Variants in DEPTOR observed in about 807,000 individuals in gnomAD.
The protein encoded by DEPTOR is DEP domain-containing mTOR-interacting protein.
In DEPTOR, 41 loss-of-function variants were observed where a neutral mutation model predicts 41.6. That is an observed-to-expected ratio of 0.98 (90% CI 0.77 to 1.28). DEPTOR has a LOEUF of 1.28. DEPTOR is among the 50% of genes most tolerant of loss of function. The pLI is 0.00. For synonymous variants in DEPTOR, 195 were observed against 192.3 expected, an observed-to-expected ratio of 1.01 and a Z score of -0.12; for missense variants, 514 against 527.9, an observed-to-expected ratio of 0.97 and a Z score of 0.26.
At chr8:120,031,484 T>A (rs2326433) in intron 8 of DEPTOR, among the ~76,000 whole-genome samples, 120,375 of 151,758 alleles carry the variant, frequency 0.79, 47,801 homozygotes, top group African/African-American at 0.82. Flanking sequence ...ATAATAATAA[T>A]AAAATGCATA....
chr8:119,959,911 T>C (rs1828468271), intron 3 of DEPTOR, among the ~76,000 whole-genome samples: 1 of 152,082 alleles, frequency 6.6e-6, no homozygotes, highest in Admixed American at 6.6e-5. Context: ...TTATACCTTG[T>C]ATACTCTTAT....
intron 1 of DEPTOR, among the ~76,000 whole-genome samples, chr8:119,874,939 T>G (rs931284895): frequency 3.9e-5 from 6 of 152,186 alleles, no homozygotes; most frequent in African/African-American, 1.2e-4. Flanking sequence ...TTACTTCTAG[T>G]TCTTAGCCTG....
intron 1 of DEPTOR, among the ~76,000 whole-genome samples, chr8:119,897,324 G>C (rs1827533076): frequency 6.6e-6 from 1 of 152,124 alleles, no homozygotes; most frequent in South Asian, 2.1e-4. Context: ...CACGAAGTCA[G>C]GAGTTCGAGA....
chr8:120,043,510 A>C (rs567183880), intron 8 of DEPTOR, among the ~76,000 whole-genome samples: 2 of 152,316 alleles, frequency 1.3e-5, no homozygotes, highest in South Asian at 4.1e-4. Context: ...GAGTGGCCCT[A>C]GGGACTGTTT....
intron 8 of DEPTOR, among the ~76,000 whole-genome samples, chr8:120,027,416 A>T (rs1413806036): frequency 6.6e-6 from 1 of 151,550 alleles, no homozygotes; most frequent in East Asian, 2.0e-4. Flanking sequence ...GTTAAGAGTA[A>T]ATTCTAGGCC....
chr8:119,984,611 T>C (rs1026858550), intron 4 of DEPTOR, among the ~76,000 whole-genome samples: 1 of 152,220 alleles, frequency 6.6e-6, no homozygotes, highest in Non-Finnish European at 1.5e-5. Flanking sequence ...TCCTTTTTTA[T>C]GGCTGCATAG....
chr8:119,989,944 G>A (rs926474500), intron 4 of DEPTOR, among the ~76,000 whole-genome samples: 4 of 152,166 alleles, frequency 2.6e-5, no homozygotes, highest in African/African-American at 9.7e-5. Context: ...ATCTAGAATA[G>A]AGTTACAGAT....
chr8:119,880,931 C>A (rs1827289815), intron 1 of DEPTOR, among the ~76,000 whole-genome samples: 1 of 152,174 alleles, frequency 6.6e-6, no homozygotes, highest in African/African-American at 2.4e-5. Flanking sequence ...TTCATTAATT[C>A]ATAATTAATT....
Position 119,967,617 on chromosome 8 carries a change from G to A in DEPTOR, c.604+2207G>A, listed in dbSNP as rs924338043. Among the ~76,000 whole-genome samples the A allele has an allele frequency of 7.9e-5, 12 of 151,774 alleles. No homozygotes were observed. The South Asian group carries it at 2.1e-3, about 26-fold the overall frequency. On this transcript the variant is annotated intron_variant, in intron 4 of 8. Transcript: ENST00000286234. ...AAAATACAAAACATTAGCTGGGTGT[G>A]GTGGTGTGTGCCTGTAGTCTCAGCT...
In DEPTOR at chr8:119,888,040, C is replaced by G. The variant is rs145182254; in HGVS notation, c.122+14072C>G. On this transcript the variant is annotated intron_variant, in intron 1 of 8. Coordinates refer to ENST00000286234, the MANE Select transcript of DEPTOR (RefSeq NM_022783.4). ...CTCACTGTATTGCTCAAGCTGTTCT[C>G]AAACTCCTGGGCTCAAGTAATCTTC... Among the ~76,000 whole-genome samples, 855 of 152,236 alleles carry G rather than the reference C, an allele frequency of 5.6e-3. 7 individuals are homozygous for G. Among genetic ancestry groups the G allele is most frequent in the African/African-American group, 0.02 (822 of 41,554 alleles).
intron 4 of DEPTOR, among the ~76,000 whole-genome samples, chr8:119,988,493 AT>A (rs1162007836): frequency 5.1e-5 from 4 of 77,796 alleles, no homozygotes; most frequent in Admixed American, 1.1e-4. Flanking sequence ...TTTTACAAAT[AT>A]TTTTTTGAGA....
At chr8:119,895,591 C>G (rs926098120) in intron 1 of DEPTOR, among the ~76,000 whole-genome samples, 8 of 152,178 alleles carry the variant, frequency 5.3e-5, no homozygotes, top group Non-Finnish European at 1.0e-4. Context: ...ATTTTGAACT[C>G]AGGCACAGAA....
At chr8:119,891,990 T>TTTTTG (rs1040361444) in intron 1 of DEPTOR, among the ~76,000 whole-genome samples, 53 of 152,106 alleles carry the variant, frequency 3.5e-4, no homozygotes, top group African/African-American at 1.1e-3. Context: ...GTTTTTTTGT[T>TTTTTG]TTTTGTTTTG....
intron 3 of DEPTOR, among the ~76,000 whole-genome samples, chr8:119,937,954 C>A (rs554004336): frequency 3.9e-5 from 6 of 152,282 alleles, no homozygotes; most frequent in Admixed American, 6.5e-5. Context: ...CTTCATTATG[C>A]TGGCAGAAAA....
intron 1 of DEPTOR, among the ~76,000 whole-genome samples, chr8:119,927,472 C>G (rs921358201): frequency 7.9e-5 from 12 of 151,512 alleles, no homozygotes; most frequent in South Asian, 2.1e-4. Context: ...TTATCTCTAT[C>G]TATCTGGTCC....
intron 4 of DEPTOR, among the ~76,000 whole-genome samples, chr8:119,973,976 G>A (rs1462720113): frequency 6.6e-6 from 1 of 152,040 alleles, no homozygotes; most frequent in African/African-American, 2.4e-5. Context: ...GAAGCTAGAG[G>A]CCACATCCAG....
chr8:120,030,136 G>T (rs1039475050), intron 8 of DEPTOR, among the ~76,000 whole-genome samples: 5 of 152,076 alleles, frequency 3.3e-5, no homozygotes, highest in Non-Finnish European at 5.9e-5. Context: ...GGTGTCCCCT[G>T]CCTTGGCCAA....
At chr8:120,019,474 C>T (rs1262882472) in intron 8 of DEPTOR, among the ~76,000 whole-genome samples, 6 of 152,226 alleles carry the variant, frequency 3.9e-5, no homozygotes, top group Non-Finnish European at 1.5e-5. Context: ...GAGGCAACCA[C>T]TGACGCGATC....
intron 1 of DEPTOR, among the ~76,000 whole-genome samples, chr8:119,902,934 C>T (rs1173995285): frequency 3.3e-5 from 5 of 152,006 alleles, no homozygotes; most frequent in African/African-American, 4.8e-5. Context: ...TTTTTAGACA[C>T]GAAAGAACCT....
Sources: gnomAD v4.1 joint callset for allele counts (sites outside exome capture counted in the v4.1 genomes callset) on GRCh38, gnomAD v4.1.1 for gene constraint, MANE v1.5 for transcripts, NCBI Gene and HGNC (gene_info 2026-07-23, HGNC 2026-07-21) for gene names.